AGBL4: variants seen among roughly 807,000 people sequenced by gnomAD.
AGBL4 encodes AGBL carboxypeptidase 4.
A neutral mutation model predicts 66.4 loss-of-function variants in AGBL4; 58 were observed. The ratio of observed to expected loss-of-function variants is 0.87; its 90% CI spans 0.71 to 1.09. The LOEUF (loss-of-function observed/expected upper bound fraction) is 1.09, where lower values mean the gene tolerates loss of function less well. Among genes scored for constraint, AGBL4 ranks in the 50% least tolerant of loss-of-function variants. The pLI is 0.00. For missense variants in AGBL4, 579 were observed against 631.0 expected, an observed-to-expected ratio of 0.92 and a Z score of 0.88; for synonymous variants, 234 against 222.9, an observed-to-expected ratio of 1.05 and a Z score of -0.44.
In AGBL4 at chr1:49,682,511, T is replaced by C. The variant is rs572728578; in HGVS notation, c.282+14802A>G. Among the ~76,000 whole-genome samples the C allele has an allele frequency of 6.6e-5, 10 of 152,368 alleles. No homozygotes were observed. In the South Asian group the frequency reaches 2.1e-3, roughly 32 times the overall value. On this transcript the variant is annotated intron_variant, in intron 3 of 13. Coordinates refer to ENST00000371839, the MANE Select transcript of AGBL4 (RefSeq NM_032785.4). The stretch of plus-strand genomic sequence containing the variant: ...CTATTGAAAAATATTGGCCTCTCAC[T>C]TTTGATGCTTATTCAATGTAGGTCA...
At chr1:49,959,361 C>G (rs1180473810) in intron 1 of AGBL4, among the ~76,000 whole-genome samples, 1 of 151,974 alleles carries the variant, frequency 6.6e-6, no homozygotes, top group Non-Finnish European at 1.5e-5. Flanking sequence ...AAAGAAAAAT[C>G]AAAGACGTTT....
intron 1 of AGBL4, among the ~76,000 whole-genome samples, chr1:49,930,577 T>C (rs1394990615): frequency 1.3e-5 from 2 of 152,148 alleles, no homozygotes; most frequent in Non-Finnish European, 2.9e-5. Context: ...AAACACATGA[T>C]GTATCATGAT....
intron 4 of AGBL4, among the ~76,000 whole-genome samples, chr1:49,145,689 G>A (rs774629681): frequency 6.6e-5 from 10 of 151,998 alleles, no homozygotes; most frequent in South Asian, 2.1e-4. Context: ...TCGACTTCAC[G>A]TGCCTAAGGT....
At chr1:49,732,668 GAGGTGAC>G (rs928515283) in intron 2 of AGBL4, among the ~76,000 whole-genome samples, 34 of 152,282 alleles carry the variant, frequency 2.2e-4, no homozygotes, top group African/African-American at 8.2e-4. Context: ...CAGTAGATTT[GAGGTGAC>G]AGAAGAAAAA....
chr1:48,711,583 G>A (rs544825448), intron 6 of AGBL4, among the ~76,000 whole-genome samples: 255 of 152,168 alleles, frequency 1.7e-3, no homozygotes, highest in African/African-American at 6.0e-3. Context: ...CCCAGCAATT[G>A]CTGCTCACCC....
At chr1:49,225,698 C>T (rs1649860364) in intron 4 of AGBL4, among the ~76,000 whole-genome samples, 1 of 152,124 alleles carries the variant, frequency 6.6e-6, no homozygotes. Context: ...CTGGTGTGGG[C>T]CAACTATGAC....
intron 2 of AGBL4, among the ~76,000 whole-genome samples, chr1:49,833,120 G>C (rs1407461616): frequency 6.6e-6 from 1 of 152,150 alleles, no homozygotes; most frequent in Non-Finnish European, 1.5e-5. Flanking sequence ...GGTTTTTATG[G>C]TTTTAGGTCT....
chr1:49,312,233 A>G (rs1644953930), intron 3 of AGBL4, among the ~76,000 whole-genome samples: 1 of 151,974 alleles, frequency 6.6e-6, no homozygotes. Flanking sequence ...AAAGGGATTG[A>G]GGGAGTGCAT....
intron 4 of AGBL4, among the ~76,000 whole-genome samples, chr1:49,162,146 G>A (rs1307039039): frequency 2.0e-5 from 3 of 152,132 alleles, no homozygotes; most frequent in Non-Finnish European, 1.5e-5. Flanking sequence ...TAATTAGTCT[G>A]CAATCAATAA....
chr1:49,750,401 T>C (rs1388010448), intron 2 of AGBL4, among the ~76,000 whole-genome samples: 1 of 152,192 alleles, frequency 6.6e-6, no homozygotes, highest in East Asian at 1.9e-4. Flanking sequence ...CAGATGGTTT[T>C]AGATGTGTGG....
At position 49,252,091 on chromosome 1, in the gene AGBL4, T is replaced by C. The variant is rs183156685; in HGVS notation, c.283-6227A>G. Reference sequence around the variant, plus strand: ...AATGACAGAAATAGCATTCAGAATATGGATAGGAATGAAGATCATTGAGCT... The same window carrying C: ...AATGACAGAAATAGCATTCAGAATACGGATAGGAATGAAGATCATTGAGCT... On this transcript the variant is annotated intron_variant, in intron 3 of 13. Transcript: ENST00000371839. 5.7e-4 allele frequency among the ~76,000 whole-genome samples: 87 copies of C among 152,078 alleles called. 1 individual carries two copies. The East Asian group carries it at 0.013, about 23-fold the overall frequency.
intron 2 of AGBL4, among the ~76,000 whole-genome samples, chr1:49,805,242 T>A (rs1475892778): frequency 6.6e-6 from 1 of 152,132 alleles, no homozygotes; most frequent in Non-Finnish European, 1.5e-5. Context: ...CTGGGTCAAA[T>A]CCTGTTGACA....
At chr1:48,608,738 G>T (rs146816613) in intron 9 of AGBL4, among the ~76,000 whole-genome samples, 4 of 151,980 alleles carry the variant, frequency 2.6e-5, no homozygotes, top group African/African-American at 9.7e-5. Context: ...TAGAAGGCTG[G>T]TATTGTTTCT....
At position 49,637,393 on chromosome 1, in the gene AGBL4, C is replaced by T. The variant is rs557122113; in HGVS notation, c.282+59920G>A. Among the ~76,000 whole-genome samples the T allele has an allele frequency of 2.6e-3, 397 of 152,070 alleles. 5 individuals are homozygous for T. The highest frequency in any genetic ancestry group is 9.0e-3 in the African/African-American group (373 of 41,488). Reference sequence around the variant, plus strand: ...TCGGCTCGCTGCAACCTCCACCTCCCAGGTTCAAGCAATTCTCCTGCCTCA... The same window carrying T: ...TCGGCTCGCTGCAACCTCCACCTCCTAGGTTCAAGCAATTCTCCTGCCTCA... On this transcript the variant is annotated intron_variant, in intron 3 of 13. Transcript: ENST00000371839.
At chr1:49,684,046 T>C (rs936829819) in intron 3 of AGBL4, among the ~76,000 whole-genome samples, 2 of 152,184 alleles carry the variant, frequency 1.3e-5, no homozygotes, top group African/African-American at 4.8e-5. Flanking sequence ...TACAAGTGGA[T>C]TGAACCATTC....
intron 2 of AGBL4, among the ~76,000 whole-genome samples, chr1:49,707,914 G>T (rs545042729): frequency 6.6e-6 from 1 of 152,292 alleles, no homozygotes; most frequent in African/African-American, 2.4e-5. Context: ...TTTCTGCAGA[G>T]ACATCCCCTG....
At chr1:48,852,237 T>C (rs929945550) in intron 6 of AGBL4, among the ~76,000 whole-genome samples, 1 of 152,164 alleles carries the variant, frequency 6.6e-6, no homozygotes, top group Non-Finnish European at 1.5e-5. Context: ...TTTTAGACTT[T>C]CTTTTTCTTT....
In AGBL4 at chr1:49,155,036, C is replaced by T. The variant is rs967590202; in HGVS notation, c.377+90734G>A. 2.6e-5 allele frequency among the ~76,000 whole-genome samples: 4 copies of T among 152,298 alleles called. No homozygotes were observed. In the East Asian group the frequency reaches 7.7e-4, roughly 29 times the overall value. ...CCATTTACCATTCTTTAAAACAGTG[C>T]ACTCTTCTTCACAGATATTTTTCTT... On this transcript the variant is annotated intron_variant, in intron 4 of 13. Coordinates refer to ENST00000371839, the MANE Select transcript of AGBL4 (RefSeq NM_032785.4).
intron 5 of AGBL4, among the ~76,000 whole-genome samples, chr1:48,894,920 T>G (rs903789071): frequency 6.6e-6 from 1 of 152,244 alleles, no homozygotes; most frequent in Non-Finnish European, 1.5e-5. Flanking sequence ...TTTGAATTTA[T>G]GCTTCATCAT....
Sources: allele counts gnomAD v4.1 joint callset (sites outside exome capture counted in the v4.1 genomes callset), GRCh38; gene constraint gnomAD v4.1.1; transcripts MANE v1.5; gene names NCBI Gene and HGNC (gene_info 2026-07-23, HGNC 2026-07-21).